Variants in ARRB1 observed in about 807,000 individuals in gnomAD.
The protein encoded by ARRB1 is arrestin beta 1.
ARRB1 carries 21 observed loss-of-function variants against 56.8 expected under a neutral mutation model. The ratio of observed to expected loss-of-function variants is 0.37; its 90% CI spans 0.26 to 0.53. The LOEUF (loss-of-function observed/expected upper bound fraction) is 0.53, where lower values mean the gene tolerates loss of function less well. Ranked by LOEUF, ARRB1 falls within the 20% of genes least tolerant of loss-of-function variation. The pLI is 0.88. For synonymous variants in ARRB1, 210 were observed against 218.6 expected, an observed-to-expected ratio of 0.96 and a Z score of 0.35; for missense variants, 424 against 553.7, an observed-to-expected ratio of 0.77 and a Z score of 2.35.
Position 75,261,939 on chromosome 11 carries a change from ATGGG to A in ARRB1, c.*4220_*4223del, listed in dbSNP as rs1465672155. ...CTGGGACCTAACCCCTTCCTCCTGG[ATGGG>A]TGGAGAGCAACCAGTCCCCAGTGAC... On this transcript the variant is annotated 3_prime_UTR_variant, in exon 16 of 16. Transcript: ENST00000420843. 1 of 152,154 alleles carries A rather than the reference ATGGG, an allele frequency of 6.6e-6. No individual in the cohort carries two copies. The highest frequency in any genetic ancestry group is 2.4e-5 in the African/African-American group (1 of 41,440). The allele number at this position is 152,154 out of a possible 1,614,324, so 9.4% of individuals were successfully genotyped here.
At chr11:75,272,331 A>C (rs985443665) in intron 12 of ARRB1, among the ~76,000 whole-genome samples, 2 of 152,242 alleles carry the variant, frequency 1.3e-5, no homozygotes, top group African/African-American at 4.8e-5. Flanking sequence ...ACTATGCTCC[A>C]GGGCAGGGCA....
intron 1 of ARRB1, among the ~76,000 whole-genome samples, chr11:75,324,040 G>A (rs894826298): frequency 1.3e-5 from 2 of 151,938 alleles, no homozygotes; most frequent in Non-Finnish European, 2.9e-5. Flanking sequence ...ACACATGCAT[G>A]CACACACACA....
At chr11:75,316,645 G>A (rs1256844630) in intron 1 of ARRB1, among the ~76,000 whole-genome samples, 3 of 152,078 alleles carry the variant, frequency 2.0e-5, no homozygotes, top group Non-Finnish European at 2.9e-5. Flanking sequence ...TGCCAGGCAC[G>A]ATGGCTCACC....
intron 1 of ARRB1, among the ~76,000 whole-genome samples, chr11:75,327,427 A>C (rs890955311): frequency 5.9e-5 from 9 of 151,928 alleles, no homozygotes; most frequent in Non-Finnish European, 1.3e-4. Context: ...TCAGCCTTCC[A>C]AAGTGCTGGG....
In ARRB1 at chr11:75,332,931, C is replaced by A. The variant is rs114759537; in HGVS notation, c.20+18657G>T. Among the ~76,000 whole-genome samples the A allele has an allele frequency of 6.4e-3, 980 of 152,116 alleles. 10 individuals carry two copies. The highest frequency in any genetic ancestry group is 0.022 in the African/African-American group (928 of 41,500). ...TGTACCTATAGCCTGGAAGCTCCCC[C>A]CAACCCCTGCCCACCGCTTTGAGTT... is the stretch of plus-strand genomic sequence containing the variant. On this transcript the variant is annotated intron_variant, in intron 1 of 15. Transcript: ENST00000420843.
rs77878434 is a variant in ARRB1, at chr11:75,278,759, C to T, written c.483-15G>A. On this transcript the variant is annotated splice_polypyrimidine_tract_variant and intron_variant, in intron 7 of 15. Coordinates refer to ENST00000420843, the MANE Select transcript of ARRB1 (RefSeq NM_004041.5). ...GCACAGAATTCCTAATGGAGATGGGCGGAGTGAAAGAGGACCAGGGTCACC... is the reference window on the plus strand; with the variant it reads ...GCACAGAATTCCTAATGGAGATGGGTGGAGTGAAAGAGGACCAGGGTCACC... 5.9e-4 allele frequency: 947 copies of T among 1,597,444 alleles called. No homozygotes were observed. The highest frequency in any genetic ancestry group is 4.4e-4 in the Non-Finnish European group (515 of 1,169,462).
intron 1 of ARRB1, among the ~76,000 whole-genome samples, chr11:75,318,680 ACT>A (rs1023203165): frequency 4.7e-5 from 7 of 150,026 alleles, no homozygotes; most frequent in Non-Finnish European, 8.9e-5. Context: ...ACAGAGTGAG[ACT>A]CTGTCTCAAA....
chr11:75,349,011 G>T (rs1947811161), intron 1 of ARRB1, among the ~76,000 whole-genome samples: 1 of 152,182 alleles, frequency 6.6e-6, no homozygotes, highest in South Asian at 2.1e-4. Flanking sequence ...ATGGAGGGAT[G>T]GTTGCGATGA....
intron 1 of ARRB1, among the ~76,000 whole-genome samples, chr11:75,292,573 G>T (rs150343763): frequency 6.6e-6 from 1 of 152,196 alleles, no homozygotes; most frequent in Non-Finnish European, 1.5e-5. Flanking sequence ...GGGGCTGGAC[G>T]TGCAGAGAAG....
chr11:75,284,539 A>G (rs1946428737), intron 3 of ARRB1, among the ~76,000 whole-genome samples: 1 of 152,214 alleles, frequency 6.6e-6, no homozygotes, highest in Admixed American at 6.5e-5. Context: ...ATCTGCTAGT[A>G]AGAATAATAA....
chr11:75,267,169 G>A (rs1189149043), intron 15 of ARRB1, among the ~76,000 whole-genome samples: 6 of 152,188 alleles, frequency 3.9e-5, no homozygotes, highest in East Asian at 3.9e-4. Context: ...CCGCGCAGTC[G>A]GCCCAGGTCC....
chr11:75,298,403 C>A (rs933453222), intron 1 of ARRB1, among the ~76,000 whole-genome samples: 2 of 152,076 alleles, frequency 1.3e-5, no homozygotes, highest in Non-Finnish European at 2.9e-5. Flanking sequence ...TTTGAATAGG[C>A]ATTTGTCCAA....
chr11:75,306,810 G>A (rs753813252), intron 1 of ARRB1: 12 of 522,678 alleles, frequency 2.3e-5, no homozygotes, highest in Non-Finnish European at 3.6e-5. Context: ...CATGGAGGGC[G>A]GATGTCCCTG....
intron 1 of ARRB1, among the ~76,000 whole-genome samples, chr11:75,331,623 C>G (rs1390293773): frequency 6.6e-6 from 1 of 151,704 alleles, no homozygotes; most frequent in Non-Finnish European, 1.5e-5. Context: ...GAACAACCCC[C>G]TTTTGACTGT....
At chr11:75,274,249 C>A in intron 10 of ARRB1, 38 bp from the exon 11 acceptor site, 1 of 1,609,586 alleles carries the variant, frequency 6.2e-7, no homozygotes, top group South Asian at 1.1e-5. Context: ...ATGGCCCTCC[C>A]CAGAGCCAAC....
intron 1 of ARRB1, among the ~76,000 whole-genome samples, chr11:75,318,998 C>G (rs1044708174): frequency 6.6e-6 from 1 of 152,158 alleles, no homozygotes; most frequent in African/African-American, 2.4e-5. Flanking sequence ...ATTTTCATAA[C>G]AATCTTGCCA....
intron 1 of ARRB1, among the ~76,000 whole-genome samples, chr11:75,317,307 T>A (rs1297784435): frequency 6.6e-6 from 1 of 151,982 alleles, no homozygotes; most frequent in Non-Finnish European, 1.5e-5. Context: ...CCTTAGCCCC[T>A]ATGGCCCATC....
rs55794814 is a variant in ARRB1 at position 75,278,755 on chromosome 11, T to C, written c.483-11A>G. 5,324 of 1,599,500 alleles carry C rather than the reference T, an allele frequency of 3.3e-3. 14 individuals are homozygous for C. The highest frequency in any genetic ancestry group is 3.7e-3 in the Non-Finnish European group (4,372 of 1,170,524). On this transcript the variant is annotated splice_polypyrimidine_tract_variant and intron_variant, in intron 7 of 15. Transcript: ENST00000420843. Reference sequence around the variant, plus strand: ...AGACGCACAGAATTCCTAATGGAGATGGGCGGAGTGAAAGAGGACCAGGGT... The same window carrying C: ...AGACGCACAGAATTCCTAATGGAGACGGGCGGAGTGAAAGAGGACCAGGGT...
chr11:75,290,179 G>A, intron 1 of ARRB1, 140 bp from the exon 2 acceptor site: 1 of 962,516 alleles, frequency 1.0e-6, no homozygotes, highest in South Asian at 1.6e-5. Context: ...TCCGAACAGT[G>A]CCCATGTAAT....
Sources: gnomAD v4.1 joint callset for allele counts (sites outside exome capture counted in the v4.1 genomes callset) on GRCh38, gnomAD v4.1.1 for gene constraint, MANE v1.5 for transcripts, NCBI Gene and HGNC (gene_info 2026-07-23, HGNC 2026-07-21) for gene names.